SCARB1: variants seen among roughly 807,000 people sequenced by gnomAD.
The protein encoded by SCARB1 is CD36 and LIMPII analogous 1.
SCARB1 carries 30 observed loss-of-function variants against 57.2 expected under a neutral mutation model. The observed-to-expected ratio is 0.52, with a 90% CI of 0.39 to 0.71. The LOEUF is 0.71. Ranked by LOEUF, SCARB1 falls within the 30% of genes least tolerant of loss-of-function variation. The pLI, the probability that SCARB1 is intolerant of heterozygous loss-of-function variation, is 0.00. For missense variants in SCARB1, 543 were observed against 671.2 expected (o/e 0.81, Z 2.11); for synonymous variants, 249 against 268.3 (o/e 0.93, Z 0.70).
At chr12:124,843,299 G>GC (rs60376757) in intron 1 of SCARB1, among the ~76,000 whole-genome samples, 48,324 of 143,332 alleles carry the variant, frequency 0.34, 9,805 homozygotes, top group Non-Finnish European at 0.43. Context: ...ATGGGGGGGG[G>GC]GGTCTTACTA....
chr12:124,785,894 A>G, intron 11 of SCARB1: 1 of 653,042 alleles, frequency 1.5e-6, no homozygotes, highest in South Asian at 2.1e-5. Context: ...CACAGCTCCT[A>G]TCATGAGTGA....
At chr12:124,823,622 T>C (rs559151816) in intron 1 of SCARB1, among the ~76,000 whole-genome samples, 34 of 151,978 alleles carry the variant, frequency 2.2e-4, no homozygotes, top group African/African-American at 8.0e-4. Context: ...GCAACTCCAC[T>C]CCCCAGAACA....
chr12:124,844,391 C>T (rs1357775894), intron 1 of SCARB1, among the ~76,000 whole-genome samples: 2 of 152,192 alleles, frequency 1.3e-5, no homozygotes, highest in Non-Finnish European at 1.5e-5. Context: ...TCCCTCGGTC[C>T]TCACTGAATC....
In SCARB1 at chr12:124,822,191, G is replaced by C. The variant is rs769762755; in HGVS notation, c.127-4484C>G. 2.0e-5 allele frequency among the ~76,000 whole-genome samples: 3 copies of C among 152,218 alleles called. No homozygotes were observed. Among genetic ancestry groups the C allele is most frequent in the Non-Finnish European group, 4.4e-5 (3 of 68,032 alleles). ...ACACAGCCTGTGCAAAGGCTGGGAAGCCTTTAAGAGCGTGACTTGCCTGAA... is the reference window on the plus strand; with the variant it reads ...ACACAGCCTGTGCAAAGGCTGGGAACCCTTTAAGAGCGTGACTTGCCTGAA... On this transcript the variant is annotated intron_variant, in intron 1 of 12. Transcript: ENST00000261693. The surrounding 1 kb of genome is among the most constrained non-coding windows in gnomAD (Gnocchi z 5.0).
At chr12:124,788,674 AAAG>A (rs1949612403) in intron 9 of SCARB1, among the ~76,000 whole-genome samples, 3 of 152,190 alleles carry the variant, frequency 2.0e-5, no homozygotes, top group Non-Finnish European at 4.4e-5. Flanking sequence ...ACATCCTCTA[AAAG>A]AAGATTTTTA....
intron 9 of SCARB1, among the ~76,000 whole-genome samples, chr12:124,794,376 G>C (rs1197700631): frequency 1.3e-5 from 2 of 149,960 alleles, no homozygotes; most frequent in Non-Finnish European, 3.0e-5. Flanking sequence ...AAATCAAAAA[G>C]AGGAAATCAG....
At chr12:124,797,954 C>T (rs374370812) in intron 8 of SCARB1, among the ~76,000 whole-genome samples, 4 of 152,346 alleles carry the variant, frequency 2.6e-5, no homozygotes, top group Middle Eastern at 3.4e-3. Context: ...ATCCCACTGC[C>T]GGGCATCCCC....
At chr12:124,808,549 A>T (rs1207013330) in intron 6 of SCARB1, among the ~76,000 whole-genome samples, 1 of 152,168 alleles carries the variant, frequency 6.6e-6, no homozygotes, top group Non-Finnish European at 1.5e-5. Flanking sequence ...CTCCTCTGGC[A>T]TCTTCATCCA....
chr12:124,829,297 G>A (rs191709611), intron 1 of SCARB1, among the ~76,000 whole-genome samples: 138 of 152,156 alleles, frequency 9.1e-4, no homozygotes, highest in African/African-American at 3.3e-3. Context: ...CCCCATCCTG[G>A]CTTGTATGGA....
chr12:124,850,547 G>A (rs1180767276), intron 1 of SCARB1, among the ~76,000 whole-genome samples: 1 of 152,186 alleles, frequency 6.6e-6, no homozygotes, highest in African/African-American at 2.4e-5. Context: ...GGCGCAGCCT[G>A]TAATCCCAGC....
rs1353054849 is a variant in SCARB1 at position 124,814,250 on chromosome 12, G to A, written c.582C>T (p.Tyr194=). Residue 194 remains tyrosine, a synonymous_variant, in exon 4 of 13, where the codon TAC becomes TAT. Coordinates refer to ENST00000261693, the MANE Select transcript of SCARB1 (RefSeq NM_005505.5). The surrounding 1 kb of genome is among the most constrained non-coding windows in gnomAD (Gnocchi z 4.7). ...CCTTGAAGGGGAACATGCCTGGAAA[G>A]TACTTGTTGATGAGATTCACAAGGG... The part of the protein sequence containing the change: ...KDPLVNLINK[Y]FPGMFPFKDK... 1.2e-6 allele frequency: 2 copies of A among 1,614,098 alleles called. No homozygotes were observed. Among genetic ancestry groups the A allele is most frequent in the African/African-American group, 2.7e-5 (2 of 74,936 alleles).
At chr12:124,840,625 C>G (rs1444372877) in intron 1 of SCARB1, among the ~76,000 whole-genome samples, 1 of 152,134 alleles carries the variant, frequency 6.6e-6, no homozygotes, top group African/African-American at 2.4e-5. Flanking sequence ...CTTCTCGTCT[C>G]GGAAAATGGC....
chr12:124,863,495 G>T, intron 1 of SCARB1, 100 bp downstream of exon 1: 1 of 1,339,444 alleles, frequency 7.5e-7, no homozygotes, highest in Non-Finnish European at 1.0e-6. Context: ...CGCCGATTCC[G>T]CTGCGGTCGC....
chr12:124,858,803 C>T (rs964680698), intron 1 of SCARB1, among the ~76,000 whole-genome samples: 5 of 151,564 alleles, frequency 3.3e-5, no homozygotes, highest in Admixed American at 2.6e-4. Context: ...GGCGTGAACC[C>T]GGAAGGTGGA....
intron 10 of SCARB1, 119 bp downstream of exon 10, chr12:124,787,287 T>G: frequency 2.3e-6 from 2 of 867,632 alleles, no homozygotes; most frequent in Non-Finnish European, 3.7e-6. Flanking sequence ...CATGTCACAG[T>G]CCGGTTACCC....
At chr12:124,813,206 G>A (rs891532945) in intron 4 of SCARB1, among the ~76,000 whole-genome samples, 2 of 152,154 alleles carry the variant, frequency 1.3e-5, no homozygotes, top group African/African-American at 4.8e-5. Context: ...GTGGACATTG[G>A]TTTTCTTCCT....
At chr12:124,839,377 T>A (rs969491954) in intron 1 of SCARB1, 2 of 439,196 alleles carry the variant, frequency 4.6e-6, no homozygotes, top group African/African-American at 4.0e-5. Flanking sequence ...GCAGCGTGCG[T>A]CCAAACGTCC....
At position 124,814,559 on chromosome 12, in the gene SCARB1, G is replaced by T. The variant is rs1390651055; in HGVS notation, c.427-154C>A. On this transcript the variant is annotated intron_variant, in intron 3 of 12. Transcript: ENST00000261693. The surrounding 1 kb of genome is among the most constrained non-coding windows in gnomAD (Gnocchi z 4.7). ...GCCACGTGGGGCATCTGGGACACCA[G>T]AACCACCCTCTGCTCCTCCAGTGCC... is the stretch of plus-strand genomic sequence containing the variant. 1.3e-5 allele frequency among the ~76,000 whole-genome samples: 2 copies of T among 152,080 alleles called. No individual in the cohort carries two copies. The highest frequency in any genetic ancestry group is 3.9e-4 in the East Asian group (2 of 5,170).
intron 7 of SCARB1, among the ~76,000 whole-genome samples, chr12:124,804,173 G>C (rs1566167071): frequency 6.6e-6 from 1 of 152,198 alleles, no homozygotes; most frequent in Non-Finnish European, 1.5e-5. Flanking sequence ...CTCGGCTACT[G>C]TGATTGGTTT....
Sources: gnomAD v4.1 joint callset for allele counts (sites outside exome capture counted in the v4.1 genomes callset) on GRCh38, gnomAD v4.1.1 for gene constraint, Gnocchi (gnomAD v3.1) non-coding constraint, MANE v1.5 for transcripts, NCBI Gene and HGNC (gene_info 2026-07-23, HGNC 2026-07-21) for gene names.